The following CHML variants were observed in gnomAD, a reference collection of about 807,000 sequenced individuals.
The protein encoded by CHML is CHM like Rab escort protein.
Under a neutral mutation model 30.4 loss-of-function variants are expected in CHML, and 20 were observed. The ratio of observed to expected loss-of-function variants is 0.66; its 90% CI spans 0.46 to 0.95. The LOEUF (loss-of-function observed/expected upper bound fraction) is 0.95. CHML is among the 40% of genes least tolerant of loss of function. CHML has a pLI of 0.00. For missense variants in CHML, 795 were observed against 768.5 expected (o/e 1.03, Z -0.41); for synonymous variants, 281 against 275.0 (o/e 1.02, Z -0.22).
In CHML at chr1:241,634,223, G is replaced by C; in HGVS notation, c.1544C>G (p.Ser515Cys). ...TTCTAAGTCTTCTCTTGCTGTTTTAGAAGATGAACATGTCAAATGTACCAG... is the reference window on the plus strand; with the variant it reads ...TTCTAAGTCTTCTCTTGCTGTTTTACAAGATGAACATGTCAAATGTACCAG... ...TYLVHLTCSSSKTAREDLESV... is the reference protein window; with the variant it reads ...TYLVHLTCSSCKTAREDLESV... The change falls in exon 2 of 2, where the codon TCT (serine) becomes TGT (cysteine). Residue 515 changes from serine to cysteine, a missense_variant. Physicochemically the swap from Ser to Cys is moderately radical, Grantham distance 112. Transcript: ENST00000366553. The C allele has an allele frequency of 6.2e-7, 1 of 1,613,896 alleles. No individual in the cohort carries two copies. Among genetic ancestry groups the C allele is most frequent in the Non-Finnish European group, 8.5e-7 (1 of 1,179,894 alleles).
At position 241,630,631 on chromosome 1, in the gene CHML, C is replaced by A. The variant is rs1348043836; in HGVS notation, c.*3165G>T. On this transcript the variant is annotated 3_prime_UTR_variant, in exon 2 of 2. Transcript: ENST00000366553. ...TTATTGCAATGACAGGTCTCTTTAA[C>A]CATATATAAAAATAGTGCCAACACT... 1 of 151,908 alleles carries A rather than the reference C, an allele frequency of 6.6e-6. No individual in the cohort carries two copies. Among genetic ancestry groups the A allele is most frequent in the African/African-American group, 2.4e-5 (1 of 41,376 alleles). 9.4% of individuals were successfully genotyped at this position (151,908 alleles called of 1,614,324 possible). A position where few individuals can be genotyped will look rare whatever the true frequency, so the allele number is the denominator to read the frequency against.
In CHML at chr1:241,635,285, CT is replaced by C. The variant is rs748984980; in HGVS notation, c.481del (p.Ser161ValfsTer7). The C allele has an allele frequency of 1.9e-6, 3 of 1,613,948 alleles. No homozygotes were observed. Among genetic ancestry groups the C allele is most frequent in the Non-Finnish European group, 2.5e-6 (3 of 1,179,920 alleles). On this transcript the variant is annotated frameshift_variant, in exon 2 of 2. Transcript: ENST00000366553. LOFTEE classifies it high-confidence loss of function. The stretch of plus-strand genomic sequence containing the variant: ...TACTTCTAGTGAAATCTCTGTATCA[CT>C]TTTCTGAGTGTGTTTTGCAGGCATT... The part of the protein sequence containing the change: ...DEMPAKHTQK[S>X]DTEISLEVTD...
intron 1 of CHML, 29 bp downstream of exon 1, chr1:241,639,853 G>C: frequency 1.3e-6 from 2 of 1,489,116 alleles, no homozygotes; most frequent in Non-Finnish European, 1.8e-6. Flanking sequence ...TTTGCAGAGG[G>C]GAGGCTGCCT....
Position 241,633,509 on chromosome 1 carries a change from T to C in CHML, c.*287A>G, listed in dbSNP as rs1330091575. On this transcript the variant is annotated 3_prime_UTR_variant, in exon 2 of 2. Transcript: ENST00000366553. The stretch of plus-strand genomic sequence containing the variant: ...CATTACCTTTAAGCTGAGTTGCTAA[T>C]ATGGAACCCTTACATATATACCCAA... 1.2e-5 allele frequency: 4 copies of C among 326,308 alleles called. No individual in the cohort carries two copies. Among genetic ancestry groups the C allele is most frequent in the Non-Finnish European group, 2.2e-5 (4 of 179,158 alleles). The allele number at this position is 326,308 out of a possible 1,614,324, so 20.2% of individuals were successfully genotyped here.
At chr1:241,639,841 A>C in intron 1 of CHML, 41 bp downstream of exon 1, 2 of 1,443,672 alleles carry the variant, frequency 1.4e-6, no homozygotes, top group South Asian at 1.4e-5. Context: ...GGGGAGTGGA[A>C]GTTTGCAGAG....
At chr1:241,639,779 G>GA (rs1665043608) in intron 1 of CHML, 103 bp downstream of exon 1, 2 of 1,105,262 alleles carry the variant, frequency 1.8e-6, no homozygotes, top group African/African-American at 4.0e-5. Flanking sequence ...GGCCGAGCGG[G>GA]AAGCGGTGCG....
In CHML at chr1:241,634,726, T is replaced by C. The variant is rs376777621; in HGVS notation, c.1041A>G (p.Ser347=). 9.3e-6 allele frequency: 15 copies of C among 1,613,920 alleles called. No individual in the cohort carries two copies. The African/African-American group carries it at 1.9e-4, about 20-fold the overall frequency. Residue 347 remains serine (S), a synonymous_variant, in exon 2 of 2, where the codon TCA becomes TCG. Transcript: ENST00000366553. ...HFVLHSIAMT[S]ESSCTTIDGL... is the part of the protein sequence containing the mutation. ...CATCTATTGTAGTGCAAGATGATTC[T>C]GATGTCATTGCAATTGAGTGCAGTA...
At position 241,634,348 on chromosome 1, in the gene CHML, C is replaced by T; in HGVS notation, c.1419G>A (p.Gln473=). 2 of 1,613,984 alleles carry T rather than the reference C, an allele frequency of 1.2e-6. No individual in the cohort carries two copies. The highest frequency in any genetic ancestry group is 8.5e-7 in the Non-Finnish European group (1 of 1,179,916). ...QSILKTDLDQ[Q]TSILIVPPAE... ...CTGGAGGAACTATCAGAATGGAAGT[C>T]TGCTGATCTAAATCTGTCTTTAGTA... The change falls in exon 2 of 2, where the codon CAG becomes CAA. Residue 473 remains glutamine, a synonymous_variant. Transcript: ENST00000366553.
Position 241,635,880 on chromosome 1 carries a change from G to A in CHML, c.-114C>T, listed in dbSNP as rs1664878718. On this transcript the variant is annotated 5_prime_UTR_variant, in exon 2 of 2. Coordinates refer to ENST00000366553, the MANE Select transcript of CHML (RefSeq NM_001381853.1). The stretch of plus-strand genomic sequence containing the variant: ...CAGTTATCCCAGAAGCACTGAAGTT[G>A]CAGGTCCTAGCTGTTTAACGGTTAC... 9.7e-7 allele frequency: 1 copy of A among 1,031,694 alleles called. No individual in the cohort carries two copies. The highest frequency in any genetic ancestry group is 1.4e-6 in the Non-Finnish European group (1 of 705,242). The allele number at this position is 1,031,694 out of a possible 1,614,324, so 63.9% of individuals were successfully genotyped here.
In CHML at chr1:241,635,172, C is replaced by G. The variant is rs889621324; in HGVS notation, c.595G>C (p.Asp199His). ...HTVSDKDGDK[D>H]ESKSTVEDKA... ...TCTTCTACTGTAGATTTGCTTTCAT[C>G]TTTATCTCCATCTTTATCTGAAACT... Residue 199 changes from aspartate to histidine, a missense_variant, in exon 2 of 2, where the codon GAT (aspartate) becomes CAT (histidine). Asp to His is a moderately conservative substitution (Grantham distance 81). Transcript: ENST00000366553. The G allele has an allele frequency of 3.7e-6, 6 of 1,612,882 alleles. No individual in the cohort carries two copies. The African/African-American group carries it at 8.0e-5, about 22-fold the overall frequency.
Position 241,634,057 on chromosome 1 carries a change from C to T in CHML, c.1710G>A (p.Leu570=), listed in dbSNP as rs757657277. The T allele has an allele frequency of 6.2e-7, 1 of 1,606,658 alleles. No individual in the cohort carries two copies. The highest frequency in any genetic ancestry group is 1.1e-5 in the South Asian group (1 of 90,206). ...CAGAGCAGACATAAACATTGGAAGGCAAGCCATTATACGAGCTTCTGCTGA... is the reference window on the plus strand; with the variant it reads ...CAGAGCAGACATAAACATTGGAAGGTAAGCCATTATACGAGCTTCTGCTGA... ...SGISRSSYNG[L]PSNVYVCSGP... The change falls in exon 2 of 2, where the codon TTG becomes TTA. Residue 570 remains leucine (L), a synonymous_variant. Transcript: ENST00000366553.
At chr1:241,639,773 G>T in intron 1 of CHML, 109 bp downstream of exon 1, 1 of 1,089,932 alleles carries the variant, frequency 9.2e-7, no homozygotes, top group Non-Finnish European at 1.2e-6. Flanking sequence ...GCGCGGGGCC[G>T]AGCGGGAAGC....
In CHML at chr1:241,639,943, C is replaced by T. The variant is rs2148034652; in HGVS notation, c.-369G>A. The T allele has an allele frequency of 8.7e-6, 14 of 1,608,618 alleles. 1 individual carries two copies. The Middle Eastern group carries it at 2.0e-3, about 228-fold the overall frequency. On this transcript the variant is annotated 5_prime_UTR_variant, in exon 1 of 2. Coordinates refer to ENST00000366553, the MANE Select transcript of CHML (RefSeq NM_001381853.1). ...CCACGGTGTCCCACACCCAGCCGTTCCTCAGGCAGGACACGAAGGTAAAGG... is the reference window on the plus strand; with the variant it reads ...CCACGGTGTCCCACACCCAGCCGTTTCTCAGGCAGGACACGAAGGTAAAGG...
rs551842840 is a variant in CHML at position 241,634,427 on chromosome 1, G to A, written c.1340C>T (p.Ser447Leu). Residue 447 changes from serine to leucine, a missense_variant, in exon 2 of 2, where the codon TCA becomes TTA. Transcript: ENST00000366553. ...AGAGATCTGCTTATACTGCACATTT[G>A]AGCATGTTTCCTCAGAAAGGTAACT... ...EDSYLSEETC[S>L]NVQYKQISRA... 34 of 1,613,568 alleles carry A rather than the reference G, an allele frequency of 2.1e-5. No individual in the cohort carries two copies. The highest frequency in any genetic ancestry group is 3.3e-4 in the Middle Eastern group (2 of 6,084).
rs780047465 is a variant in CHML at position 241,634,404 on chromosome 1, A to G, written c.1363T>C (p.Ser455Pro). The change falls in exon 2 of 2, where the codon TCT (serine) becomes CCT (proline). Residue 455 changes from serine to proline, a missense_variant. Physicochemically the swap from Ser to Pro is moderately conservative, Grantham distance 74. Coordinates refer to ENST00000366553, the MANE Select transcript of CHML (RefSeq NM_001381853.1). The stretch of plus-strand genomic sequence containing the variant: ...TGATCTGTAATGAGTACTGCCCTAG[A>G]GATCTGCTTATACTGCACATTTGAG... ...TCSNVQYKQI[S>P]RAVLITDQSI... is the part of the protein sequence containing the mutation. 11 of 1,613,752 alleles carry G rather than the reference A, an allele frequency of 6.8e-6. No individual in the cohort carries two copies. The highest frequency in any genetic ancestry group is 8.5e-6 in the Non-Finnish European group (10 of 1,179,934).
chr1:241,634,270 C>T lies in CHML; in HGVS notation c.1497G>A (p.Met499Ile), dbSNP rs755690197. 2 of 1,613,908 alleles carry T rather than the reference C, an allele frequency of 1.2e-6. No homozygotes were observed. Among genetic ancestry groups the T allele is most frequent in the East Asian group, 4.5e-5 (2 of 44,878 alleles). The part of the protein sequence containing the change: ...VRVTELCSST[M>I]TCMKDTYLVH... ...CCAGATAGGTGTCCTTCATGCATGT[C>T]ATGGTTGAAGAACATAATTCTGTGA... Residue 499 changes from methionine (M) to isoleucine (I), a missense_variant, in exon 2 of 2, where the codon ATG becomes ATA. Physicochemically the swap from Met to Ile is conservative, Grantham distance 10 (BLOSUM62 1). Coordinates refer to ENST00000366553, the MANE Select transcript of CHML (RefSeq NM_001381853.1).
At position 241,635,458 on chromosome 1, in the gene CHML, G is replaced by A. The variant is rs755211000; in HGVS notation, c.309C>T (p.Cys103=). Residue 103 remains cysteine, a synonymous_variant, in exon 2 of 2, where the codon TGC becomes TGT. Transcript: ENST00000366553. The part of the protein sequence containing the change: ...DETIQHTEAF[C]YASQDMEDNV... ...TGTCCTCCATATCCTGACTGGCGTA[G>A]CAAAAAGCTTCTGTGTGTTGAATAG... is the stretch of plus-strand genomic sequence containing the variant. The A allele has an allele frequency of 6.2e-7, 1 of 1,613,694 alleles. No homozygotes were observed. The highest frequency in any genetic ancestry group is 8.5e-7 in the Non-Finnish European group (1 of 1,179,918).
rs1411210132 is a variant in CHML, at chr1:241,629,470, C to T, written c.*4326G>A. Reference sequence around the variant, plus strand: ...ATTTTTTATATCATTTATACACGATCGCTTTATAAATTTGCCTAAGAGTAC... The same window carrying T: ...ATTTTTTATATCATTTATACACGATTGCTTTATAAATTTGCCTAAGAGTAC... On this transcript the variant is annotated 3_prime_UTR_variant, in exon 2 of 2. Coordinates refer to ENST00000366553, the MANE Select transcript of CHML (RefSeq NM_001381853.1). 6.6e-6 allele frequency: 1 copy of T among 152,034 alleles called. No homozygotes were observed. The highest frequency in any genetic ancestry group is 1.5e-5 in the Non-Finnish European group (1 of 67,962). 9.4% of individuals were successfully genotyped at this position (152,034 alleles called of 1,614,324 possible).
Position 241,632,268 on chromosome 1 carries a change from C to T in CHML, c.*1528G>A, listed in dbSNP as rs1664668111. Reference sequence around the variant, plus strand: ...CTTCCACCATGATTGTGAGGCCTCCCCAGCCACATGGAACTGTGAGTCCAT... The same window carrying T: ...CTTCCACCATGATTGTGAGGCCTCCTCAGCCACATGGAACTGTGAGTCCAT... On this transcript the variant is annotated 3_prime_UTR_variant, in exon 2 of 2. Coordinates refer to ENST00000366553, the MANE Select transcript of CHML (RefSeq NM_001381853.1). 6.5e-6 allele frequency: 1 copy of T among 153,522 alleles called. No individual in the cohort carries two copies. The highest frequency in any genetic ancestry group is 6.5e-5 in the Admixed American group (1 of 15,290). 9.5% of individuals were successfully genotyped at this position (153,522 alleles called of 1,614,324 possible). A position where few individuals can be genotyped will look rare whatever the true frequency, so the allele number is the denominator to read the frequency against.
Sources: gnomAD v4.1 joint callset for allele counts on GRCh38, gnomAD v4.1.1 for gene constraint, MANE v1.5 for transcripts, NCBI Gene and HGNC (gene_info 2026-07-23, HGNC 2026-07-21) for gene names.